Variants in PLP1 observed in about 807,000 individuals in gnomAD.
PLP1 encodes proteolipid protein 1.
Under a neutral mutation model 18.5 loss-of-function variants are expected in PLP1, and 2 were observed. The observed-to-expected ratio is 0.11, with a 90% CI of 0.04 to 0.34. The LOEUF (loss-of-function observed/expected upper bound fraction) is 0.34. Among genes scored for constraint, PLP1 ranks in the 10% least tolerant of loss-of-function variants. The probability of loss-of-function intolerance (pLI) is 1.00; values close to 1 mark genes in which losing one functional copy is unlikely to be tolerated. For missense variants in PLP1, 105 were observed against 207.3 expected, an observed-to-expected ratio of 0.51 and a Z score of 3.03; for synonymous variants, 86 against 83.2, an observed-to-expected ratio of 1.03 and a Z score of -0.19.
intron 1 of PLP1, among the ~76,000 whole-genome samples, chrX:103,777,945 T>C (rs1193909512): frequency 8.9e-6 from 1 of 112,479 alleles, no homozygotes; most frequent in African/African-American, 3.2e-5. Context: ...AAATGTAGCA[T>C]CCAGTAGACA....
chrX:103,782,960 C>A (rs748061143), intron 1 of PLP1, among the ~76,000 whole-genome samples: 16 of 112,217 alleles, frequency 1.4e-4, no homozygotes, highest in Admixed American at 2.8e-4. Flanking sequence ...TCTTCTCCCC[C>A]CATCCCCAGG....
At chrX:103,778,647 A>G (rs1024920073) in intron 1 of PLP1, among the ~76,000 whole-genome samples, 2 of 111,835 alleles carry the variant, frequency 1.8e-5, no homozygotes, top group African/African-American at 6.5e-5. Flanking sequence ...GAAGAGTGCC[A>G]CAGATAAGGG....
chrX:103,781,201 C>T (rs182240913), intron 1 of PLP1: 20 of 261,390 alleles, frequency 7.7e-5, no homozygotes, highest in African/African-American at 4.3e-4. Context: ...GTCCTTGAGG[C>T]GGGCCCAGGG....
intron 1 of PLP1, among the ~76,000 whole-genome samples, chrX:103,785,253 T>G (rs1421458300): frequency 9.0e-6 from 1 of 111,707 alleles, no homozygotes; most frequent in African/African-American, 3.3e-5. Flanking sequence ...ATTTTTGTAT[T>G]TTTAGTAGAG....
At chrX:103,778,756 A>G (rs974781673) in intron 1 of PLP1, among the ~76,000 whole-genome samples, 5 of 111,776 alleles carry the variant, frequency 4.5e-5, no homozygotes, top group African/African-American at 9.8e-5. Flanking sequence ...CATTTATTCA[A>G]TAACAGAGTA....
chrX:103,777,388 C>T (rs1478566235), intron 1 of PLP1, among the ~76,000 whole-genome samples: 1 of 111,804 alleles, frequency 8.9e-6, no homozygotes, highest in Non-Finnish European at 1.9e-5. Context: ...GTCTAGCCCT[C>T]AGATGTACAA....
intron 4 of PLP1, 63 bp downstream of exon 4, chrX:103,788,029 A>T: frequency 1.1e-6 from 1 of 935,316 alleles, no homozygotes; most frequent in Non-Finnish European, 1.5e-6. Context: ...ATATTTGGTT[A>T]TTTTCTTAGT....
chrX:103,778,398 T>C (rs1051852543), intron 1 of PLP1, among the ~76,000 whole-genome samples: 1 of 112,127 alleles, frequency 8.9e-6, no homozygotes, highest in Non-Finnish European at 1.9e-5. Flanking sequence ...CAATTATGTG[T>C]GACCAGATGA....
rs368688220 is a variant in PLP1, at chrX:103,785,785, C to T, written c.191+17C>T. The T allele has an allele frequency of 2.6e-6, 3 of 1,159,453 alleles. No homozygotes were observed. The highest frequency in any genetic ancestry group is 3.6e-5 in the African/African-American group (2 of 56,152). On this transcript the variant is annotated intron_variant, in intron 2 of 6. Coordinates refer to ENST00000621218, the MANE Select transcript of PLP1 (RefSeq NM_000533.5). ...CATCAATGTGTAAGTACCTGCCCTC[C>T]CACACAGACCCATCTTTTTTTTCCC...
At chrX:103,786,432 T>G in intron 2 of PLP1, 33 bp from the exon 3 acceptor site, 1 of 1,194,716 alleles carries the variant, frequency 8.4e-7, no homozygotes, top group Non-Finnish European at 1.1e-6. Flanking sequence ...TTAATAAGAT[T>G]CCCTGGTCTC....
chrX:103,791,071 C>G lies in PLP1; in HGVS notation c.*473C>G. ...TACAAAATGGAATTCATTCTGGTCT[C>G]TCTATTACCACTGAAGATAGAAGAA... On this transcript the variant is annotated 3_prime_UTR_variant, in exon 7 of 7. Transcript: ENST00000621218. 7.6e-6 allele frequency: 1 copy of G among 131,156 alleles called. No individual in the cohort carries two copies. The highest frequency in any genetic ancestry group is 2.5e-4 in the South Asian group (1 of 3,999). The allele number at this position is 131,156 out of a possible 1,213,427, so 10.8% of individuals were successfully genotyped here. A position where few individuals can be genotyped will look rare whatever the true frequency, so the allele number is the denominator to read the frequency against.
chrX:103,789,289 C>T (rs374312325), intron 5 of PLP1, 44 bp from the exon 6 acceptor site: 11 of 943,009 alleles, frequency 1.2e-5, no homozygotes, highest in Non-Finnish European at 1.7e-5. Flanking sequence ...GAGCATATTA[C>T]TGCTGTTGCA....
At chrX:103,779,305 C>T (rs994442239) in intron 1 of PLP1, among the ~76,000 whole-genome samples, 1 of 112,360 alleles carries the variant, frequency 8.9e-6, no homozygotes, top group Non-Finnish European at 1.9e-5. Flanking sequence ...TGTGATGCCT[C>T]CATCCAAAAG....
rs772312288 is a variant in PLP1, at chrX:103,786,721, G to T, written c.448G>T (p.Asp150Tyr). Residue 150 changes from aspartate to tyrosine, a missense_variant, in exon 3 of 7, where the codon GAC becomes TAC. By Grantham distance (160) the Asp-to-Tyr change is radical (BLOSUM62 -3). Transcript: ENST00000621218. ...TTTGGGAAAATGGCTAGGACATCCC[G>T]ACAAGGTGATCATCCTCAGGATTTT... Reference protein sequence around the residue: ...HCLGKWLGHPDKFVGITYALT... With the variant: ...HCLGKWLGHPYKFVGITYALT... The T allele has an allele frequency of 8.3e-7, 1 of 1,211,190 alleles. No homozygotes were observed. The highest frequency in any genetic ancestry group is 1.8e-5 in the South Asian group (1 of 56,946).
chrX:103,785,666 C>T lies in PLP1; in HGVS notation c.89C>T (p.Ala30Val). Residue 30 changes from alanine (A) to valine (V), a missense_variant, in exon 2 of 7, where the codon GCA (alanine) becomes GTA (valine). Ala to Val is a moderately conservative substitution (Grantham distance 64). Transcript: ENST00000621218. ...ACTGGATTGTGTTTCTTTGGGGTGG[C>T]ACTGTTCTGTGGCTGTGGACATGAA... Reference protein sequence around the residue: ...VATGLCFFGVALFCGCGHEAL... With the variant: ...VATGLCFFGVVLFCGCGHEAL... 1 of 1,209,511 alleles carries T rather than the reference C, an allele frequency of 8.3e-7. No individual in the cohort carries two copies. The highest frequency in any genetic ancestry group is 1.1e-6 in the Non-Finnish European group (1 of 893,464).
chrX:103,777,018 A>G lies in PLP1; in HGVS notation c.4+19A>G. On this transcript the variant is annotated intron_variant, in intron 1 of 6. Transcript: ENST00000621218. ...GACATGGGTAAGTTTCAAAAACTTT[A>G]GCATTGAAGATTCAAGAGGACACAG... 1 of 1,185,277 alleles carries G rather than the reference A, an allele frequency of 8.4e-7. No homozygotes were observed. The highest frequency in any genetic ancestry group is 1.8e-5 in the South Asian group (1 of 55,881).
At chrX:103,780,714 G>A (rs1457307687) in intron 1 of PLP1, 1 of 112,264 alleles carries the variant, frequency 8.9e-6, no homozygotes, top group African/African-American at 3.3e-5. Flanking sequence ...CAAGATTATA[G>A]GCAGGGCATT....
intron 1 of PLP1, among the ~76,000 whole-genome samples, chrX:103,779,580 G>A (rs999463646): frequency 2.7e-5 from 3 of 111,964 alleles, no homozygotes; most frequent in East Asian, 2.8e-4. Context: ...CCCTTTGGCC[G>A]TGCAGAGCCA....
intron 1 of PLP1, 38 bp downstream of exon 1, chrX:103,777,037 G>A (rs1204397619): frequency 2.6e-6 from 3 of 1,153,715 alleles, no homozygotes; most frequent in Admixed American, 4.4e-5. Flanking sequence ...GATTCAAGAG[G>A]ACACAGGAAT....
Sources: allele counts gnomAD v4.1 joint callset (sites outside exome capture counted in the v4.1 genomes callset), GRCh38; gene constraint gnomAD v4.1.1; transcripts MANE v1.5; gene names NCBI Gene and HGNC (gene_info 2026-07-23, HGNC 2026-07-21).